DSTYK: variants seen among roughly 807,000 people sequenced by gnomAD.
DSTYK encodes the protein dual serine/threonine and tyrosine protein kinase.
A neutral mutation model predicts 98.7 loss-of-function variants in DSTYK; 34 were observed. The observed-to-expected ratio is 0.34, with a 90% CI of 0.26 to 0.46. The LOEUF is 0.46. DSTYK is among the 20% of genes least tolerant of loss of function. DSTYK has a pLI of 1.00. For missense variants in DSTYK, 962 were observed against 1,181.7 expected (o/e 0.81, Z 2.73); for synonymous variants, 462 against 457.3 (o/e 1.01, Z -0.13).
At chr1:205,161,211 G>A in intron 7 of DSTYK, 47 bp downstream of exon 7, 1 of 1,604,178 alleles carries the variant, frequency 6.2e-7, no homozygotes, top group Non-Finnish European at 8.5e-7. Flanking sequence ...AGAATGTCAG[G>A]TATCCTGAAC....
At chr1:205,148,959 G>C (rs1270315843) in intron 11 of DSTYK, among the ~76,000 whole-genome samples, 1 of 150,216 alleles carries the variant, frequency 6.7e-6, no homozygotes, top group Non-Finnish European at 1.5e-5. Flanking sequence ...CTGGAGTGCA[G>C]TGGCATGATC....
intron 2 of DSTYK, among the ~76,000 whole-genome samples, chr1:205,179,353 G>A (rs1658325661): frequency 6.6e-6 from 1 of 151,658 alleles, no homozygotes; most frequent in Non-Finnish European, 1.5e-5. Flanking sequence ...GGGCGTGGTG[G>A]CTCATGCCTG....
At position 205,162,039 on chromosome 1, in the gene DSTYK, C is replaced by T; in HGVS notation, c.1815G>A (p.Arg605=). Residue 605 remains arginine, a synonymous_variant, in exon 6 of 13, where the codon CGG becomes CGA. Transcript: ENST00000367162. The stretch of plus-strand genomic sequence containing the variant: ...ATCTCCTTTCCTACATACCAACCTG[C>T]CGCAAGGAGGCTGCAAAAGCCTCGT... The part of the protein sequence containing the change: ...SSHEAFAASL[R]QLEAGHSGRL... 3 of 1,613,176 alleles carry T rather than the reference C, an allele frequency of 1.9e-6. No homozygotes were observed. The highest frequency in any genetic ancestry group is 2.5e-6 in the Non-Finnish European group (3 of 1,179,336).
chr1:205,181,143 T>C (rs1194103022), intron 2 of DSTYK, among the ~76,000 whole-genome samples: 1 of 152,206 alleles, frequency 6.6e-6, no homozygotes, highest in African/African-American at 2.4e-5. Flanking sequence ...CTCTGTCCTG[T>C]ACATATAAAT....
chr1:205,182,855 T>C (rs1658455786), intron 2 of DSTYK, among the ~76,000 whole-genome samples: 1 of 149,912 alleles, frequency 6.7e-6, no homozygotes, highest in Non-Finnish European at 1.5e-5. Context: ...GATAACACCA[T>C]GAGCCAAAAA....
chr1:205,161,941 CAT>C lies in DSTYK; in HGVS notation c.1818+93_1818+94del, dbSNP rs1553361680. On this transcript the variant is annotated intron_variant, in intron 6 of 12. Transcript: ENST00000367162. ...ATGTATACACACACAGACACACACA[CAT>C]ATTATATATGAAGAGCGGAGAGCGA... The C allele has an allele frequency of 4.9e-6, 6 of 1,224,604 alleles. No homozygotes were observed. In the African/African-American group the frequency reaches 7.6e-5, roughly 15 times the overall value. 75.9% of individuals were successfully genotyped at this position (1,224,604 alleles called of 1,614,324 possible). A position where few individuals can be genotyped will look rare whatever the true frequency, so the allele number is the denominator to read the frequency against.
Position 205,150,052 on chromosome 1 carries a change from T to C in DSTYK, c.2467+628A>G, listed in dbSNP as rs1209582698. 6.6e-6 allele frequency among the ~76,000 whole-genome samples: 1 copy of C among 152,142 alleles called. No homozygotes were observed. Among genetic ancestry groups the C allele is most frequent in the African/African-American group, 2.4e-5 (1 of 41,434 alleles). Reference sequence around the variant, plus strand: ...CTCAATTTTATCCATTGAATGGACATAAAAATACATCATCGTCACAGAATT... The same window carrying C: ...CTCAATTTTATCCATTGAATGGACACAAAAATACATCATCGTCACAGAATT... On this transcript the variant is annotated intron_variant, in intron 11 of 12. Transcript: ENST00000367162. The surrounding 1 kb of genome is among the most constrained non-coding windows in gnomAD (Gnocchi z 4.1).
chr1:205,159,147 G>A (rs1229656361), intron 9 of DSTYK, among the ~76,000 whole-genome samples: 1 of 151,970 alleles, frequency 6.6e-6, no homozygotes. Context: ...AGGGTGCAGT[G>A]GCATGATCAT....
intron 9 of DSTYK, among the ~76,000 whole-genome samples, chr1:205,157,661 C>T (rs1329393618): frequency 1.3e-5 from 2 of 151,400 alleles, no homozygotes; most frequent in Non-Finnish European, 2.9e-5. Flanking sequence ...ACCTGGGAGG[C>T]TGAGGCAGGA....
intron 1 of DSTYK, among the ~76,000 whole-genome samples, chr1:205,196,384 C>T (rs1658866590): frequency 6.6e-6 from 1 of 151,954 alleles, no homozygotes; most frequent in Admixed American, 6.6e-5. Context: ...TAGTGAGACT[C>T]CATCTCTACA....
chr1:205,182,483 TAG>T (rs1303424821), intron 2 of DSTYK, among the ~76,000 whole-genome samples: 1 of 126,280 alleles, frequency 7.9e-6, no homozygotes, highest in African/African-American at 3.0e-5. Context: ...TCCCATTGGT[TAG>T]AGTTAAAAAC....
At chr1:205,175,909 TTCTA>T (rs1042879225) in intron 2 of DSTYK, among the ~76,000 whole-genome samples, 2 of 152,164 alleles carry the variant, frequency 1.3e-5, no homozygotes, top group African/African-American at 2.4e-5. Flanking sequence ...ATGTAAAATC[TTCTA>T]TCTTTCAACT....
At chr1:205,172,108 C>T (rs1658082285) in intron 2 of DSTYK, among the ~76,000 whole-genome samples, 1 of 152,052 alleles carries the variant, frequency 6.6e-6, no homozygotes, top group South Asian at 2.1e-4. Context: ...AGGCACGCAC[C>T]ACCACGCCCG....
intron 7 of DSTYK, among the ~76,000 whole-genome samples, chr1:205,160,993 T>C (rs1451395708): frequency 3.3e-5 from 5 of 151,820 alleles, no homozygotes; most frequent in African/African-American, 1.2e-4. Flanking sequence ...AGGCTGGTCT[T>C]GAACTTCTGA....
chr1:205,189,647 T>C (rs918771774), intron 1 of DSTYK, among the ~76,000 whole-genome samples: 3 of 152,170 alleles, frequency 2.0e-5, no homozygotes, highest in Non-Finnish European at 4.4e-5. Context: ...CGATTTCAAA[T>C]CCCCAAGCAT....
intron 7 of DSTYK, among the ~76,000 whole-genome samples, chr1:205,160,771 G>GT (rs1388640403): frequency 5.4e-5 from 8 of 147,444 alleles, no homozygotes; most frequent in East Asian, 2.3e-4. Context: ...TGGTTATGTG[G>GT]TTTTTTGTTT....
intron 10 of DSTYK, 74 bp downstream of exon 10, chr1:205,157,199 C>G: frequency 7.7e-7 from 1 of 1,292,438 alleles, no homozygotes; most frequent in Non-Finnish European, 1.1e-6. Flanking sequence ...ATCTAACTTA[C>G]ATTTACATGT....
In DSTYK at chr1:205,194,989, A is replaced by ATTT. The variant is rs964750887; in HGVS notation, c.266-7186_266-7184dup. 5.8e-5 allele frequency among the ~76,000 whole-genome samples: 8 copies of ATTT among 138,508 alleles called. No homozygotes were observed. The South Asian group carries it at 1.1e-3, about 20-fold the overall frequency. 90.9% of individuals were successfully genotyped at this position (138,508 alleles called of 152,430 possible). On this transcript the variant is annotated intron_variant, in intron 1 of 12. Coordinates refer to ENST00000367162, the MANE Select transcript of DSTYK (RefSeq NM_015375.3). ...CAGGGACTACAGGCAAGTGCCACTA[A>ATTT]TTTTTTTTTTTTTTTTTTGTATAGA...
At chr1:205,200,696 G>A (rs1659005810) in intron 1 of DSTYK, among the ~76,000 whole-genome samples, 1 of 152,148 alleles carries the variant, frequency 6.6e-6, no homozygotes, top group African/African-American at 2.4e-5. Flanking sequence ...CGTGTCCTGT[G>A]CCTAGTACAG....
Sources: gnomAD v4.1 joint callset for allele counts (sites outside exome capture counted in the v4.1 genomes callset) on GRCh38, gnomAD v4.1.1 for gene constraint, Gnocchi (gnomAD v3.1) non-coding constraint, MANE v1.5 for transcripts, NCBI Gene and HGNC (gene_info 2026-07-23, HGNC 2026-07-21) for gene names.